ADGRV1: variants seen among roughly 807,000 people sequenced by gnomAD.
The protein encoded by ADGRV1 is G-protein coupled receptor 98.
ADGRV1 carries 359 observed loss-of-function variants against 596.2 expected under a neutral mutation model. That is an observed-to-expected ratio of 0.60 (90% CI 0.55 to 0.66). The LOEUF is 0.66. Ranked by LOEUF, ADGRV1 falls within the 30% of genes least tolerant of loss-of-function variation. The pLI, the probability that ADGRV1 is intolerant of heterozygous loss-of-function variation, is 0.00. For missense variants in ADGRV1, 7,274 were observed against 7,575.6 expected (o/e 0.96, Z 1.48); for synonymous variants, 2,681 against 2,679.2 (o/e 1.00, Z -0.02).
intron 85 of ADGRV1, among the ~76,000 whole-genome samples, chr5:91,028,807 T>TGTCTCA (rs2151217986): frequency 7.0e-6 from 1 of 143,190 alleles, no homozygotes; most frequent in African/African-American, 2.5e-5. Context: ...AGTGCAATCA[T>TGTCTCA]GTCTCAGTGC....
intron 1 of ADGRV1, among the ~76,000 whole-genome samples, chr5:90,599,869 G>C (rs765283651): frequency 6.6e-6 from 1 of 152,192 alleles, no homozygotes; most frequent in Non-Finnish European, 1.5e-5. Context: ...GAGGATTGTA[G>C]AAGTTGGGGG....
chr5:90,727,567 T>C (rs1454731476), intron 48 of ADGRV1, among the ~76,000 whole-genome samples: 1 of 152,254 alleles, frequency 6.6e-6, no homozygotes, highest in Admixed American at 6.5e-5. Context: ...AACCACTCAA[T>C]GATTTGCAAT....
chr5:90,781,705 CT>C, intron 65 of ADGRV1, 127 bp downstream of exon 65: 1 of 776,268 alleles, frequency 1.3e-6, no homozygotes, highest in Non-Finnish European at 2.0e-6. Context: ...CACATATACA[CT>C]TTTATATTTA....
intron 85 of ADGRV1, among the ~76,000 whole-genome samples, chr5:91,009,073 A>G (rs974099230): frequency 1.3e-5 from 2 of 152,148 alleles, no homozygotes; most frequent in Non-Finnish European, 2.9e-5. Flanking sequence ...GCAGCTTGCT[A>G]TCTCTTCAAT....
chr5:90,783,418 A>G lies in ADGRV1; in HGVS notation c.13433+93A>G, dbSNP rs191173243. ...TTTTGCACTGACAATAGAACTTTAG[A>G]TAATATGTGTCCATTGGAAAACAAC... On this transcript the variant is annotated intron_variant, in intron 66 of 89. Transcript: ENST00000405460. 6.9e-6 allele frequency: 6 copies of G among 875,226 alleles called. No homozygotes were observed. The African/African-American group carries it at 8.3e-5, about 12-fold the overall frequency. The allele number at this position is 875,226 out of a possible 1,614,324, so 54.2% of individuals were successfully genotyped here.
At chr5:90,888,780 C>A (rs538736492) in intron 83 of ADGRV1, among the ~76,000 whole-genome samples, 2 of 152,084 alleles carry the variant, frequency 1.3e-5, no homozygotes, top group Non-Finnish European at 2.9e-5. Context: ...TTGATGTTGG[C>A]ATACTTTTCA....
At chr5:90,997,239 GGTGGGGC>G (rs1781493871) in intron 85 of ADGRV1, among the ~76,000 whole-genome samples, 1 of 152,156 alleles carries the variant, frequency 6.6e-6, no homozygotes, top group Admixed American at 6.5e-5. Flanking sequence ...GAGTGTTGGA[GGTGGGGC>G]CTAGCGGGAG....
At position 90,716,643 on chromosome 5, in the gene ADGRV1, G is replaced by A. The variant is rs1307337537; in HGVS notation, c.9361G>A (p.Val3121Met). 6.2e-7 allele frequency: 1 copy of A among 1,613,138 alleles called. No individual in the cohort carries two copies. The stretch of plus-strand genomic sequence containing the variant: ...TGGAACAGTGACAGTTCAGTTCATT[G>A]TGACAGAAGTGAATTCCTCAAATGA... ...LFGTVTVQFI[V>M]TEVNSSNESK... is the part of the protein sequence containing the mutation. The change falls in exon 43 of 90, where the codon GTG becomes ATG. Residue 3121 changes from valine to methionine, a missense_variant. Val to Met is a conservative substitution (Grantham distance 21, BLOSUM62 1). Transcript: ENST00000405460.
intron 85 of ADGRV1, among the ~76,000 whole-genome samples, chr5:90,996,256 G>A (rs1315208104): frequency 1.3e-5 from 2 of 152,136 alleles, no homozygotes; most frequent in Non-Finnish European, 2.9e-5. Flanking sequence ...TGGTTTTGTG[G>A]GCCAGGCTCA....
chr5:90,930,951 C>T (rs1374204967), intron 83 of ADGRV1, among the ~76,000 whole-genome samples: 1 of 152,132 alleles, frequency 6.6e-6, no homozygotes, highest in Non-Finnish European at 1.5e-5. Flanking sequence ...TAGTATGTTG[C>T]ATCAGTGATA....
At chr5:90,752,656 C>G (rs1381729331) in intron 53 of ADGRV1, among the ~76,000 whole-genome samples, 2 of 152,062 alleles carry the variant, frequency 1.3e-5, no homozygotes. Flanking sequence ...GGCTGCATAC[C>G]TAAAGAAAGA....
At chr5:90,640,509 GCCTGTAC>G in intron 11 of ADGRV1, among the ~76,000 whole-genome samples, 1 of 152,102 alleles carries the variant, frequency 6.6e-6, no homozygotes, top group Admixed American at 6.5e-5. Flanking sequence ...TGGTTTGTGA[GCCTGTAC>G]AGTGCTTGGC....
At chr5:90,825,007 G>A (rs1763952559) in intron 76 of ADGRV1, among the ~76,000 whole-genome samples, 2 of 151,916 alleles carry the variant, frequency 1.3e-5, no homozygotes, top group South Asian at 4.2e-4. Flanking sequence ...TGTGATCTCG[G>A]CTCACTGCAA....
intron 83 of ADGRV1, among the ~76,000 whole-genome samples, chr5:90,867,031 T>C (rs987257312): frequency 5.3e-5 from 8 of 152,134 alleles, no homozygotes; most frequent in Non-Finnish European, 8.8e-5. Flanking sequence ...AACATCTAAT[T>C]ATATCTTTGG....
At position 90,625,192 on chromosome 5, in the gene ADGRV1, TC is replaced by T. The variant is rs756977835; in HGVS notation, c.626del (p.Pro209LeufsTer6). On this transcript the variant is annotated frameshift_variant, in exon 6 of 90. Coordinates refer to ENST00000405460, the MANE Select transcript of ADGRV1 (RefSeq NM_032119.4). LOFTEE classifies it high-confidence loss of function. ...LSPVKGNITF[P>X]PGRATVIYNL... Reference sequence around the variant, plus strand: ...GTCCAGTTAAAGGAAATATCACCTTTCCCCCTGGCAGAGCAACAGTAATTTA... The same window carrying T: ...GTCCAGTTAAAGGAAATATCACCTTTCCCCTGGCAGAGCAACAGTAATTTA... 5 of 1,613,564 alleles carry T rather than the reference TC, an allele frequency of 3.1e-6. No individual in the cohort carries two copies. Among genetic ancestry groups the T allele is most frequent in the Non-Finnish European group, 4.2e-6 (5 of 1,179,678 alleles).
At chr5:90,914,841 T>C (rs953608246) in intron 83 of ADGRV1, among the ~76,000 whole-genome samples, 3 of 152,178 alleles carry the variant, frequency 2.0e-5, no homozygotes, top group African/African-American at 7.2e-5. Context: ...AGGACCACAA[T>C]GGAATATATG....
At chr5:90,789,876 A>G in intron 69 of ADGRV1, 25 bp downstream of exon 69, 1 of 1,329,514 alleles carries the variant, frequency 7.5e-7, no homozygotes, top group Non-Finnish European at 9.7e-7. Context: ...TTGATTTTTC[A>G]AAGTACCAGT....
chr5:90,719,035 G>A (rs1206254376), intron 43 of ADGRV1, among the ~76,000 whole-genome samples: 13 of 152,074 alleles, frequency 8.5e-5, no homozygotes, highest in Admixed American at 7.9e-4. Flanking sequence ...CTACCACTCA[G>A]ATTAAAATAT....
Position 90,694,160 on chromosome 5 carries a change from A to G in ADGRV1, c.7404A>G (p.Ser2468=), listed in dbSNP as rs777629022. 2 of 1,613,834 alleles carry G rather than the reference A, an allele frequency of 1.2e-6. No homozygotes were observed. The highest frequency in any genetic ancestry group is 1.1e-5 in the South Asian group (1 of 91,084). Residue 2468 remains serine, a synonymous_variant, in exon 33 of 90, where the codon TCA becomes TCG. Transcript: ENST00000405460. The part of the protein sequence containing the change: ...SEGPQCFWMT[S]WISPAVNNSD... ...GTCCCCAGTGTTTCTGGATGACATC[A>G]TGGATCAGCCCAGCTGTCAACAATT... is the stretch of plus-strand genomic sequence containing the variant.
Sources: gnomAD v4.1 joint callset for allele counts (sites outside exome capture counted in the v4.1 genomes callset) on GRCh38, gnomAD v4.1.1 for gene constraint, MANE v1.5 for transcripts, NCBI Gene and HGNC (gene_info 2026-07-23, HGNC 2026-07-21) for gene names.